KCNQ3: variants seen among roughly 807,000 people sequenced by gnomAD.
KCNQ3 encodes potassium voltage-gated channel subfamily Q member 3.
In KCNQ3, 30 loss-of-function variants were observed where a neutral mutation model predicts 92.5. That is an observed-to-expected ratio of 0.32 (90% CI 0.24 to 0.44). KCNQ3 has a LOEUF of 0.44. Ranked by LOEUF, KCNQ3 falls within the 20% of genes least tolerant of loss-of-function variation. The pLI, the probability that KCNQ3 is intolerant of heterozygous loss-of-function variation, is 1.00. For synonymous variants in KCNQ3, 450 were observed against 468.8 expected, an observed-to-expected ratio of 0.96 and a Z score of 0.52; for missense variants, 913 against 1,140.3, an observed-to-expected ratio of 0.80 and a Z score of 2.87.
intron 1 of KCNQ3, among the ~76,000 whole-genome samples, chr8:132,386,999 A>G (rs1254935292): frequency 3.9e-5 from 6 of 152,228 alleles, no homozygotes; most frequent in African/African-American, 2.4e-5. Context: ...TGATCATTAC[A>G]GAATGTGTAT....
chr8:132,474,484 T>C (rs1415226323), intron 1 of KCNQ3, among the ~76,000 whole-genome samples: 5 of 152,166 alleles, frequency 3.3e-5, no homozygotes, highest in Non-Finnish European at 7.3e-5. Flanking sequence ...TAAAGCATGG[T>C]CTCCAATCTT....
intron 1 of KCNQ3, among the ~76,000 whole-genome samples, chr8:132,187,855 A>ATAGTGGTGG (rs60036560): frequency 2.9e-5 from 2 of 69,872 alleles, no homozygotes; most frequent in African/African-American, 6.6e-5. Context: ...GGTGGTAGTG[A>ATAGTGGTGG]TGGTGGTGGT....
At chr8:132,286,479 T>C (rs1370034344) in intron 1 of KCNQ3, among the ~76,000 whole-genome samples, 1 of 152,258 alleles carries the variant, frequency 6.6e-6, no homozygotes, top group Non-Finnish European at 1.5e-5. Context: ...GTTTACCCTA[T>C]ACCTGTTCTG....
chr8:132,418,916 T>C (rs939467974), intron 1 of KCNQ3, among the ~76,000 whole-genome samples: 1 of 152,162 alleles, frequency 6.6e-6, no homozygotes, highest in East Asian at 1.9e-4. Flanking sequence ...TCTGTGCAAG[T>C]CCTAATTCAA....
intron 1 of KCNQ3, among the ~76,000 whole-genome samples, chr8:132,476,799 G>A (rs371228455): frequency 9.2e-5 from 14 of 152,332 alleles, no homozygotes; most frequent in African/African-American, 2.6e-4. Context: ...GGGAAGGCAT[G>A]ATTGGTTTTG....
intron 1 of KCNQ3, among the ~76,000 whole-genome samples, chr8:132,430,424 G>T (rs994423507): frequency 6.6e-6 from 1 of 152,328 alleles, no homozygotes; most frequent in South Asian, 2.1e-4. Context: ...TGAGTCAGGA[G>T]CCAAAGGTCC....
chr8:132,206,214 C>T (rs553612821), intron 1 of KCNQ3, among the ~76,000 whole-genome samples: 87 of 152,242 alleles, frequency 5.7e-4, no homozygotes, highest in Non-Finnish European at 1.1e-3. Flanking sequence ...TGTCCTTCCA[C>T]CCTATATCAC....
intron 1 of KCNQ3, among the ~76,000 whole-genome samples, chr8:132,315,538 C>T (rs1817716488): frequency 6.6e-6 from 1 of 152,088 alleles, no homozygotes; most frequent in Admixed American, 6.6e-5. Flanking sequence ...TTGATTTGTC[C>T]AATGACTACT....
intron 1 of KCNQ3, among the ~76,000 whole-genome samples, chr8:132,441,797 T>C (rs975180542): frequency 1.3e-4 from 20 of 152,276 alleles, no homozygotes; most frequent in African/African-American, 4.8e-4. Context: ...TTTTTGACGT[T>C]TTAATAGCAG....
chr8:132,128,124 T>G lies in KCNQ3; in HGVS notation c.*1138A>C, dbSNP rs1371104638. 1.3e-5 allele frequency: 2 copies of G among 152,148 alleles called. No homozygotes were observed. The highest frequency in any genetic ancestry group is 2.9e-5 in the Non-Finnish European group (2 of 68,018). 9.4% of individuals were successfully genotyped at this position (152,148 alleles called of 1,614,324 possible). A position where few individuals can be genotyped will look rare whatever the true frequency, so the allele number is the denominator to read the frequency against. On this transcript the variant is annotated 3_prime_UTR_variant, in exon 15 of 15. Coordinates refer to ENST00000388996, the MANE Select transcript of KCNQ3 (RefSeq NM_004519.4). The stretch of plus-strand genomic sequence containing the variant: ...TCCACGCGACACAAAGTCATATATC[T>G]TGACACAATCTCTAGGATGCATTAT...
chr8:132,398,981 C>G (rs1820265943), intron 1 of KCNQ3, among the ~76,000 whole-genome samples: 2 of 152,212 alleles, frequency 1.3e-5, no homozygotes, highest in African/African-American at 4.8e-5. Context: ...ACCATGCTTG[C>G]ATGTACCTAA....
chr8:132,205,308 C>A (rs1813621561), intron 1 of KCNQ3, among the ~76,000 whole-genome samples: 1 of 152,244 alleles, frequency 6.6e-6, no homozygotes, highest in Non-Finnish European at 1.5e-5. Context: ...TACTAAAAAT[C>A]CATAAACCTC....
At chr8:132,469,308 G>C (rs1822247932) in intron 1 of KCNQ3, among the ~76,000 whole-genome samples, 1 of 152,106 alleles carries the variant, frequency 6.6e-6, no homozygotes, top group Non-Finnish European at 1.5e-5. Context: ...CTAATTGTGG[G>C]GCCCACCTGA....
intron 9 of KCNQ3, among the ~76,000 whole-genome samples, chr8:132,142,641 G>A (rs1032240132): frequency 6.6e-6 from 1 of 152,184 alleles, no homozygotes. Context: ...CCCACACAGA[G>A]CTTGGCACAC....
chr8:132,129,737 T>C lies in KCNQ3; in HGVS notation c.2144A>G (p.His715Arg), dbSNP rs112314858. 24 of 1,614,006 alleles carry C rather than the reference T, an allele frequency of 1.5e-5. No homozygotes were observed. The African/African-American group carries it at 1.7e-4, about 12-fold the overall frequency. Residue 715 changes from histidine (H) to arginine (R), a missense_variant, in exon 15 of 15, where the codon CAT (histidine) becomes CGT (arginine). By Grantham distance (29) the His-to-Arg change is conservative. Transcript: ENST00000388996. The surrounding 1 kb of genome is among the most constrained non-coding windows in gnomAD (Gnocchi z 5.9). ...CCCTCGGGGCAGGTTCACAGGGTCA[T>C]GTGCAAAAAACCCATAGGGGCTGAC... ...DKVSPYGFFA[H>R]DPVNLPRGGP...
intron 9 of KCNQ3, among the ~76,000 whole-genome samples, chr8:132,143,195 G>A (rs764257286): frequency 2.6e-5 from 4 of 152,036 alleles, no homozygotes; most frequent in Non-Finnish European, 2.9e-5. Context: ...TTAGAAAAAC[G>A]CCAATGCTCA....
intron 1 of KCNQ3, among the ~76,000 whole-genome samples, chr8:132,190,966 C>G (rs769879505): frequency 8.5e-5 from 13 of 152,132 alleles, no homozygotes. Flanking sequence ...GTGAATAGCT[C>G]AAACCTGGCA....
At position 132,440,978 on chromosome 8, in the gene KCNQ3, G is replaced by A. The variant is rs12544635; in HGVS notation, c.386+39169C>T. Among the ~76,000 whole-genome samples, 26 of 152,288 alleles carry A rather than the reference G, an allele frequency of 1.7e-4. No homozygotes were observed. The East Asian group carries it at 3.3e-3, about 19-fold the overall frequency. On this transcript the variant is annotated intron_variant, in intron 1 of 14. Coordinates refer to ENST00000388996, the MANE Select transcript of KCNQ3 (RefSeq NM_004519.4). ...AAGGTTTAGGGCCTGCCAGATATCCGACCTGCACTTAACTCTCTATTCTTA... is the reference window on the plus strand; with the variant it reads ...AAGGTTTAGGGCCTGCCAGATATCCAACCTGCACTTAACTCTCTATTCTTA...
intron 1 of KCNQ3, among the ~76,000 whole-genome samples, chr8:132,219,381 T>C (rs1814143981): frequency 6.6e-6 from 1 of 152,120 alleles, no homozygotes; most frequent in East Asian, 1.9e-4. Context: ...TAGAGTCAGT[T>C]CTCAGTTCTT....
Sources: gnomAD v4.1 joint callset for allele counts (sites outside exome capture counted in the v4.1 genomes callset) on GRCh38, gnomAD v4.1.1 for gene constraint, Gnocchi (gnomAD v3.1) non-coding constraint, MANE v1.5 for transcripts, NCBI Gene and HGNC (gene_info 2026-07-23, HGNC 2026-07-21) for gene names.